Variants in RASGEF1C observed in about 807,000 individuals in gnomAD.
RASGEF1C encodes the protein ras-GEF domain-containing family member 1C.
A neutral mutation model predicts 58.1 loss-of-function variants in RASGEF1C; 27 were observed. The observed-to-expected ratio is 0.46, with a 90% CI of 0.34 to 0.64. RASGEF1C has a LOEUF of 0.64. Among genes scored for constraint, RASGEF1C ranks in the 30% least tolerant of loss-of-function variants. The pLI is 0.01. For synonymous variants in RASGEF1C, 243 were observed against 246.3 expected, an observed-to-expected ratio of 0.99 and a Z score of 0.13; for missense variants, 502 against 605.1, an observed-to-expected ratio of 0.83 and a Z score of 1.79.
intron 4 of RASGEF1C, among the ~76,000 whole-genome samples, chr5:180,131,360 C>A (rs1430707025): frequency 6.6e-6 from 1 of 152,108 alleles, no homozygotes; most frequent in African/African-American, 2.4e-5. Flanking sequence ...TCCTTCCCAC[C>A]CTCCCCATGT....
intron 1 of RASGEF1C, among the ~76,000 whole-genome samples, chr5:180,176,556 CTTTT>C (rs538002188): frequency 1.4e-5 from 2 of 138,382 alleles, no homozygotes; most frequent in Non-Finnish European, 1.6e-5. Context: ...AAGGCTAATA[CTTTT>C]TTTTTTTTTT....
chr5:180,186,058 C>T (rs1280139021), intron 1 of RASGEF1C, among the ~76,000 whole-genome samples: 3 of 143,982 alleles, frequency 2.1e-5, no homozygotes, highest in African/African-American at 7.8e-5. Flanking sequence ...GATCACACCA[C>T]TGCATTCCAG....
chr5:180,110,115 C>T (rs4282280), intron 12 of RASGEF1C, among the ~76,000 whole-genome samples: 68,116 of 151,934 alleles, frequency 0.45, 15,644 homozygotes, highest in South Asian at 0.6. Flanking sequence ...GCATTCTCCC[C>T]GGGGCCCTGG....
chr5:180,115,429 G>T, intron 10 of RASGEF1C: 2 of 337,602 alleles, frequency 5.9e-6, no homozygotes, highest in Non-Finnish European at 5.9e-6. Context: ...CACGGACCCC[G>T]CCTGTGAAGG....
chr5:180,108,204 C>A (rs1334191614), intron 12 of RASGEF1C, among the ~76,000 whole-genome samples: 1 of 124,978 alleles, frequency 8.0e-6, no homozygotes, highest in Non-Finnish European at 1.6e-5. Context: ...TTCTTTCTTT[C>A]TTTTTTTTTT....
At position 180,143,775 on chromosome 5, in the gene RASGEF1C, C is replaced by A. The variant is rs1359319857; in HGVS notation, c.-6-5717G>T. 6.6e-6 allele frequency among the ~76,000 whole-genome samples: 1 copy of A among 152,204 alleles called. No individual in the cohort carries two copies. The highest frequency in any genetic ancestry group is 1.9e-4 in the East Asian group (1 of 5,192). On this transcript the variant is annotated intron_variant, in intron 1 of 13. Transcript: ENST00000361132. The surrounding 1 kb of genome is among the most constrained non-coding windows in gnomAD (Gnocchi z 4.3). ...TGCCAAGGTGGTCAGTTTACAGACC[C>A]TGTTCCTGCTGGGGTCCCCACATCC...
At chr5:180,190,825 G>T (rs912031436) in intron 1 of RASGEF1C, among the ~76,000 whole-genome samples, 1 of 152,148 alleles carries the variant, frequency 6.6e-6, no homozygotes, top group Admixed American at 6.5e-5. Context: ...AGTTGATGAA[G>T]TGGACTTAAT....
In RASGEF1C at chr5:180,177,338, A is replaced by G. The variant is rs1461535739; in HGVS notation, c.-7+31690T>C. Among the ~76,000 whole-genome samples the G allele has an allele frequency of 6.6e-6, 1 of 152,216 alleles. No individual in the cohort carries two copies. Among genetic ancestry groups the G allele is most frequent in the African/African-American group, 2.4e-5 (1 of 41,472 alleles). On this transcript the variant is annotated intron_variant, in intron 1 of 13. Transcript: ENST00000361132. The surrounding 1 kb of genome is among the most constrained non-coding windows in gnomAD (Gnocchi z 5.0). The stretch of plus-strand genomic sequence containing the variant: ...CCGGCTCACCCAGCAGCTTCCCCAA[A>G]GACACAGGCTGTTCATCGGCTCCAT...
At chr5:180,153,164 T>A (rs915963921) in intron 1 of RASGEF1C, among the ~76,000 whole-genome samples, 2 of 152,110 alleles carry the variant, frequency 1.3e-5, no homozygotes, top group African/African-American at 4.8e-5. Flanking sequence ...GCTCTTTAAA[T>A]CCCATGGAAG....
At chr5:180,182,218 AAAAAAAAAAAAAAG>A (rs1183962733) in intron 1 of RASGEF1C, among the ~76,000 whole-genome samples, 1 of 147,544 alleles carries the variant, frequency 6.8e-6, no homozygotes, top group Non-Finnish European at 1.5e-5. Flanking sequence ...AAAAAAAAAA[AAAAAAAAAAAAAAG>A]AATGAAGCCA....
At chr5:180,145,458 G>T (rs773211845) in intron 1 of RASGEF1C, among the ~76,000 whole-genome samples, 1 of 152,124 alleles carries the variant, frequency 6.6e-6, no homozygotes, top group African/African-American at 2.4e-5. Context: ...CAATGTAAAG[G>T]GTTCCAATTT....
intron 12 of RASGEF1C, among the ~76,000 whole-genome samples, chr5:180,106,412 A>T (rs373141438): frequency 1.7e-4 from 26 of 152,212 alleles, no homozygotes; most frequent in African/African-American, 6.3e-4. Context: ...TTTCTAATGT[A>T]TGCATTTGGT....
In RASGEF1C at chr5:180,143,335, T is replaced by C. The variant is rs935654260; in HGVS notation, c.-6-5277A>G. ...CAGCATGGCCCCAGCCCAACCCCTCTATGGGAGACGGGAAATGTGTGCAGG... is the reference window on the plus strand; with the variant it reads ...CAGCATGGCCCCAGCCCAACCCCTCCATGGGAGACGGGAAATGTGTGCAGG... On this transcript the variant is annotated intron_variant, in intron 1 of 13. Coordinates refer to ENST00000361132, the MANE Select transcript of RASGEF1C (RefSeq NM_175062.4). This position sits in a 1 kb window ranked among gnomAD's most constrained non-coding sequence, Gnocchi z 4.3. Among the ~76,000 whole-genome samples, 5 of 152,120 alleles carry C rather than the reference T, an allele frequency of 3.3e-5. No homozygotes were observed. Among genetic ancestry groups the C allele is most frequent in the Non-Finnish European group, 5.9e-5 (4 of 67,994 alleles).
chr5:180,200,132 T>A (rs1756358605), intron 1 of RASGEF1C, among the ~76,000 whole-genome samples: 1 of 151,752 alleles, frequency 6.6e-6, no homozygotes. Context: ...CGGTGGCATG[T>A]GCCTGTAATT....
intron 1 of RASGEF1C, among the ~76,000 whole-genome samples, chr5:180,175,237 C>T (rs370999576): frequency 1.2e-4 from 18 of 152,250 alleles, no homozygotes; most frequent in Non-Finnish European, 1.9e-4. Flanking sequence ...GCCCCCCCAG[C>T]GCCGGGGAAA....
intron 13 of RASGEF1C, among the ~76,000 whole-genome samples, 182 bp from the exon 14 acceptor site, chr5:180,101,707 C>T (rs757103735): frequency 8.5e-5 from 13 of 152,328 alleles, no homozygotes; most frequent in African/African-American, 2.4e-4. Flanking sequence ...CATTTCCGAC[C>T]GCCACTTGGA....
Position 180,168,390 on chromosome 5 carries a change from G to A in RASGEF1C, c.-6-30332C>T, listed in dbSNP as rs1479077946. On this transcript the variant is annotated intron_variant, in intron 1 of 13. Transcript: ENST00000361132. The surrounding 1 kb of genome is among the most constrained non-coding windows in gnomAD (Gnocchi z 6.0). ...GGCGGTTGCCATGAGCCGAGATGGC[G>A]CCACTGCACTCCAGCCTGGGCAACA... 1.3e-5 allele frequency among the ~76,000 whole-genome samples: 2 copies of A among 152,070 alleles called. No homozygotes were observed. Among genetic ancestry groups the A allele is most frequent in the Non-Finnish European group, 2.9e-5 (2 of 68,024 alleles).
intron 1 of RASGEF1C, among the ~76,000 whole-genome samples, chr5:180,181,996 G>A (rs1581123953): frequency 1.3e-5 from 2 of 151,794 alleles, no homozygotes. Context: ...GAGGTCAGGA[G>A]ATCGAGACCA....
At chr5:180,102,209 T>C in intron 12 of RASGEF1C, 66 bp from the exon 13 acceptor site, 1 of 925,484 alleles carries the variant, frequency 1.1e-6, no homozygotes, top group Non-Finnish European at 1.8e-6. Context: ...CTACACCTGC[T>C]ATATCTGCGT....
Sources: gnomAD v4.1 joint callset for allele counts (sites outside exome capture counted in the v4.1 genomes callset) on GRCh38, gnomAD v4.1.1 for gene constraint, Gnocchi (gnomAD v3.1) non-coding constraint, MANE v1.5 for transcripts, NCBI Gene and HGNC (gene_info 2026-07-23, HGNC 2026-07-21) for gene names.